The following TJP2 variants were observed in gnomAD, a reference collection of about 807,000 sequenced individuals.
TJP2 encodes the protein Friedreich ataxia region gene X104 (tight junction protein ZO-2).
TJP2 carries 91 observed loss-of-function variants against 133.1 expected under a neutral mutation model. The ratio of observed to expected loss-of-function variants is 0.68; its 90% CI spans 0.58 to 0.81. The LOEUF is 0.81. TJP2 is among the 40% of genes least tolerant of loss of function. The probability of loss-of-function intolerance (pLI) is 0.00; values close to 1 mark genes in which losing one functional copy is unlikely to be tolerated. For missense variants in TJP2, 1,541 were observed against 1,565.6 expected (o/e 0.98, Z 0.26); for synonymous variants, 592 against 583.4 (o/e 1.01, Z -0.21).
intron 1 of TJP2, among the ~76,000 whole-genome samples, chr9:69,136,697 G>A (rs1459677147): frequency 2.0e-5 from 3 of 152,144 alleles, no homozygotes; most frequent in East Asian, 3.8e-4. Context: ...TCCTGGTTGG[G>A]GGTGTCTGGG....
intron 5 of TJP2, 134 bp downstream of exon 5, chr9:69,221,630 T>TGCAACC: frequency 1.7e-6 from 2 of 1,206,318 alleles, no homozygotes; most frequent in East Asian, 5.2e-5. Flanking sequence ...CTCGGCTCAC[T>TGCAACC]GCAACCTCCA....
chr9:69,249,694 G>T, intron 20 of TJP2: 1 of 985,442 alleles, frequency 1.0e-6, no homozygotes. Context: ...AATATTAGGA[G>T]AGCATATGAT....
intron 2 of TJP2, among the ~76,000 whole-genome samples, chr9:69,162,162 A>C (rs1182945353): frequency 6.8e-6 from 1 of 148,084 alleles, no homozygotes; most frequent in Non-Finnish European, 1.5e-5. Flanking sequence ...TTTATATATT[A>C]TATATATACA....
At chr9:69,155,860 C>T (rs745576077) in intron 2 of TJP2, among the ~76,000 whole-genome samples, 2 of 152,082 alleles carry the variant, frequency 1.3e-5, no homozygotes, top group Non-Finnish European at 2.9e-5. Flanking sequence ...AGGATTCCTG[C>T]GGCAGGTGAT....
At chr9:69,164,159 A>G (rs1587942963) in intron 2 of TJP2, among the ~76,000 whole-genome samples, 1 of 152,208 alleles carries the variant, frequency 6.6e-6, no homozygotes, top group East Asian at 1.9e-4. Context: ...GCCCATGCAA[A>G]TTTGCATGGC....
chr9:69,208,089 C>T (rs929048256), intron 1 of TJP2, among the ~76,000 whole-genome samples: 6 of 152,158 alleles, frequency 3.9e-5, no homozygotes, highest in Non-Finnish European at 7.3e-5. Flanking sequence ...CAAATGAGTG[C>T]ACAGTGAAGA....
chr9:69,218,728 T>C (rs1828577620), intron 4 of TJP2, among the ~76,000 whole-genome samples: 1 of 152,240 alleles, frequency 6.6e-6, no homozygotes, highest in South Asian at 2.1e-4. Flanking sequence ...TATATCTTCA[T>C]AGACTAAGAG....
upstream of TJP2, among the ~76,000 whole-genome samples, chr9:69,170,486 T>C (rs1824619747): frequency 6.6e-6 from 1 of 152,196 alleles, no homozygotes; most frequent in South Asian, 2.1e-4. Flanking sequence ...CCCACCATCA[T>C]TGGACATTGG....
At chr9:69,152,649 T>G (rs1823531000) in intron 2 of TJP2, among the ~76,000 whole-genome samples, 1 of 151,930 alleles carries the variant, frequency 6.6e-6, no homozygotes, top group African/African-American at 2.4e-5. Flanking sequence ...AACGTCGACA[T>G]GAAACTAAAT....
intron 1 of TJP2, among the ~76,000 whole-genome samples, chr9:69,187,924 T>G (rs1355526358): frequency 6.6e-6 from 1 of 152,212 alleles, no homozygotes; most frequent in Non-Finnish European, 1.5e-5. Context: ...TCTTAGAGTA[T>G]TCCTTGCCTC....
chr9:69,225,519 G>A, intron 6 of TJP2, 112 bp downstream of exon 6: 1 of 760,492 alleles, frequency 1.3e-6, no homozygotes. Flanking sequence ...TCAGTGGTAA[G>A]ACAGAGGTGG....
intron 20 of TJP2, among the ~76,000 whole-genome samples, chr9:69,250,580 G>T (rs1831258973): frequency 6.6e-6 from 1 of 152,188 alleles, no homozygotes; most frequent in Non-Finnish European, 1.5e-5. Context: ...GTGAAGCAGT[G>T]CTCTCCTCGC....
Position 69,134,215 on chromosome 9 carries a change from T to G in TJP2, c.-131+12490T>G, listed in dbSNP as rs142705050. On this transcript the variant is annotated intron_variant, in intron 1 of 5. Coordinates refer to the TJP2 transcript ENST00000423935. The stretch of plus-strand genomic sequence containing the variant: ...TGTAGAGGGAGTGAATGAATGAGTG[T>G]GGAGTTGGACTGGAACACCCAACGT... Among the ~76,000 whole-genome samples the G allele has an allele frequency of 2.8e-3, 423 of 152,274 alleles. 2 individuals carry two copies. Among genetic ancestry groups the G allele is most frequent in the African/African-American group, 8.8e-3 (366 of 41,556 alleles).
At chr9:69,231,008 A>G (rs990427947) in intron 11 of TJP2, among the ~76,000 whole-genome samples, 5 of 151,032 alleles carry the variant, frequency 3.3e-5, no homozygotes, top group African/African-American at 9.7e-5. Flanking sequence ...ACATTTGTGT[A>G]TGTGTGTGTG....
chr9:69,219,437 A>T (rs34872796), intron 4 of TJP2, among the ~76,000 whole-genome samples: 59,237 of 152,090 alleles, frequency 0.39, 12,367 homozygotes, highest in East Asian at 0.63. Flanking sequence ...CTGGGCAACC[A>T]TGCGAAGGAA....
chr9:69,221,995 C>T (rs1300074552), intron 5 of TJP2, among the ~76,000 whole-genome samples: 1 of 151,718 alleles, frequency 6.6e-6, no homozygotes, highest in Non-Finnish European at 1.5e-5. Flanking sequence ...CCTCAGCCTC[C>T]CTAGTAGCTG....
At chr9:69,200,906 G>C (rs1826939549) in intron 1 of TJP2, among the ~76,000 whole-genome samples, 1 of 152,142 alleles carries the variant, frequency 6.6e-6, no homozygotes, top group African/African-American at 2.4e-5. Flanking sequence ...TACTACCTGA[G>C]ATGATGATAT....
rs546867671 is a variant in TJP2, at chr9:69,135,701, G to T, written c.-131+13976G>T. ...GCTCACTGCAACCTCCACCTCCCGG[G>T]TTCAAGCAATTCTCCTGCCTCAGCC... On this transcript the variant is annotated intron_variant, in intron 1 of 5. Coordinates refer to the TJP2 transcript ENST00000423935. Among the ~76,000 whole-genome samples, 67 of 152,160 alleles carry T rather than the reference G, an allele frequency of 4.4e-4. 1 individual carries two copies. The South Asian group carries it at 9.4e-3, about 21-fold the overall frequency.
At chr9:69,139,794 C>T (rs1483181569) in intron 1 of TJP2, among the ~76,000 whole-genome samples, 5 of 152,174 alleles carry the variant, frequency 3.3e-5, no homozygotes, top group South Asian at 2.1e-4. Context: ...GTCTCGAACT[C>T]GGCCGTGTCT....
Sources: allele counts gnomAD v4.1 joint callset (sites outside exome capture counted in the v4.1 genomes callset), GRCh38; gene constraint gnomAD v4.1.1; transcripts MANE v1.5; gene names NCBI Gene and HGNC (gene_info 2026-07-23, HGNC 2026-07-21).